LIPI: variants seen among roughly 807,000 people sequenced by gnomAD.
The protein encoded by LIPI is lipase member I.
Under a neutral mutation model 50.6 loss-of-function variants are expected in LIPI, and 59 were observed. That is an observed-to-expected ratio of 1.16 (90% CI 0.94 to 1.45). The LOEUF (loss-of-function observed/expected upper bound fraction) is 1.45, where lower values mean the gene tolerates loss of function less well. Ranked by LOEUF, LIPI falls within the 40% of genes most tolerant of loss-of-function variation. The pLI is 0.00. For missense variants in LIPI, 586 were observed against 536.3 expected (o/e 1.09, Z -0.92); for synonymous variants, 203 against 178.2 (o/e 1.14, Z -1.11).
At chr21:14,181,990 A>C in intron 3 of LIPI, 131 bp from the exon 4 acceptor site, 1 of 665,052 alleles carries the variant, frequency 1.5e-6, no homozygotes. Flanking sequence ...CCAAGAACAT[A>C]TCTAAAAACA....
At chr21:14,164,471 TCAG>T (rs1277861869) in intron 6 of LIPI, among the ~76,000 whole-genome samples, 1 of 152,170 alleles carries the variant, frequency 6.6e-6, no homozygotes, top group East Asian at 1.9e-4. Context: ...TGATCCTGCT[TCAG>T]CAGTTGGTTT....
chr21:14,178,910 G>A (rs2019179791), intron 4 of LIPI, among the ~76,000 whole-genome samples: 1 of 152,112 alleles, frequency 6.6e-6, no homozygotes, highest in Non-Finnish European at 1.5e-5. Context: ...TAACAATTCA[G>A]AATCTACTTA....
In LIPI at chr21:14,198,587, C is replaced by T. The variant is rs565900760; in HGVS notation, c.47-9168G>A. Among the ~76,000 whole-genome samples the T allele has an allele frequency of 7.2e-5, 11 of 152,172 alleles. No individual in the cohort carries two copies. In the South Asian group the frequency reaches 1.7e-3, roughly 23 times the overall value. On this transcript the variant is annotated intron_variant, in intron 1 of 9. Coordinates refer to ENST00000681601, the MANE Select transcript of LIPI (RefSeq NM_001302998.2). ...TCTAACCATCCTAAATATATATGTA[C>T]CCAACACAGGAGCACCCAGATTTGT...
At chr21:14,193,046 T>A (rs528534106) in intron 1 of LIPI, among the ~76,000 whole-genome samples, 1 of 152,338 alleles carries the variant, frequency 6.6e-6, no homozygotes, top group Non-Finnish European at 1.5e-5. Flanking sequence ...TATGAATGCA[T>A]GTTAATGGGT....
At chr21:14,197,076 A>T (rs2019888938) in intron 1 of LIPI, among the ~76,000 whole-genome samples, 1 of 151,788 alleles carries the variant, frequency 6.6e-6, no homozygotes, top group Admixed American at 6.6e-5. Flanking sequence ...GATATAAGTC[A>T]TTGTAACCCA....
intron 8 of LIPI, among the ~76,000 whole-genome samples, chr21:14,147,041 T>C (rs1004445561): frequency 6.6e-6 from 1 of 152,122 alleles, no homozygotes; most frequent in African/African-American, 2.4e-5. Context: ...ACTACCACAG[T>C]GCTGAGATTA....
At chr21:14,203,695 T>C (rs144570755) in intron 1 of LIPI, among the ~76,000 whole-genome samples, 21,140 of 149,098 alleles carry the variant, frequency 0.14, 1,941 homozygotes, top group South Asian at 0.22. Context: ...GGGGTGTGGG[T>C]AGGGGGGAGG....
chr21:14,117,323 C>T (rs2016687402), intron 9 of LIPI, among the ~76,000 whole-genome samples: 1 of 78 alleles, frequency 0.013, no homozygotes, highest in Non-Finnish European at 0.023. Flanking sequence ...ACAGCCCAAC[C>T]TGGGCTGACC....
chr21:14,129,798 G>GTT (rs567972643), intron 9 of LIPI, among the ~76,000 whole-genome samples: 18,740 of 101,504 alleles, frequency 0.18, 1,609 homozygotes, highest in South Asian at 0.27. Flanking sequence ...GACTCTAATT[G>GTT]TTTTTTTTTT....
intron 1 of LIPI, among the ~76,000 whole-genome samples, chr21:14,202,771 G>C (rs2020101519): frequency 6.6e-6 from 1 of 152,058 alleles, no homozygotes; most frequent in Admixed American, 6.6e-5. Flanking sequence ...ACATAGGCAT[G>C]GGCAAGGACC....
At chr21:14,152,720 T>A (rs2018142538) in intron 7 of LIPI, 36 bp from the exon 8 acceptor site, 6 of 1,093,162 alleles carry the variant, frequency 5.5e-6, no homozygotes, top group Non-Finnish European at 8.3e-6. Context: ...ACTCACATTA[T>A]TTTTTAATTT....
chr21:14,188,467 C>T (rs13051391), intron 2 of LIPI, among the ~76,000 whole-genome samples: 3 of 146,068 alleles, frequency 2.1e-5, no homozygotes, highest in African/African-American at 7.6e-5. Context: ...ACTCGGGTGG[C>T]TGATGCAGGA....
intron 9 of LIPI, among the ~76,000 whole-genome samples, chr21:14,129,198 G>A (rs973079446): frequency 6.6e-6 from 1 of 151,824 alleles, no homozygotes; most frequent in Admixed American, 6.6e-5. Flanking sequence ...GACCAATCAG[G>A]GAAGGGAAGA....
intron 9 of LIPI, among the ~76,000 whole-genome samples, chr21:14,123,337 G>A (rs998385811): frequency 3.9e-5 from 6 of 152,094 alleles, no homozygotes; most frequent in African/African-American, 1.2e-4. Flanking sequence ...AGTTTCCAGC[G>A]CTGAATCAGT....
chr21:14,187,123 T>G (rs1322058937), intron 2 of LIPI, among the ~76,000 whole-genome samples: 1 of 152,208 alleles, frequency 6.6e-6, no homozygotes, highest in Non-Finnish European at 1.5e-5. Context: ...TTATGGATTT[T>G]AGGTGACTTC....
rs1339099454 is a variant in LIPI at position 14,144,781 on chromosome 21, A to G, written c.1137T>C (p.Tyr379=). Residue 379 remains tyrosine (Y), a synonymous_variant, in exon 9 of 10, where the codon TAT becomes TAC. Transcript: ENST00000681601. ...CAAGAATCTTGACTTCTTGAAGTTT[A>G]TAAAATGGTTTGTTCTTTCTAGAGA... is the stretch of plus-strand genomic sequence containing the variant. ...PRLYEKNKPF[Y]KLQEVKILAQ... is the part of the protein sequence containing the mutation. 1 of 1,576,012 alleles carries G rather than the reference A, an allele frequency of 6.3e-7. No individual in the cohort carries two copies. Among genetic ancestry groups the G allele is most frequent in the South Asian group, 1.1e-5 (1 of 90,078 alleles).
chr21:14,165,264 A>G lies in LIPI; in HGVS notation c.860T>C (p.Val287Ala). The change falls in exon 6 of 10, where the codon GTG becomes GCG. Residue 287 changes from valine (V) to alanine (A), a missense_variant. By Grantham distance (64) the Val-to-Ala change is moderately conservative. Transcript: ENST00000681601. ...TTTTTCCTTAAAACAGTCACAGTCCACACATAAGCTAGTCTTGTAATCTTT... is the reference window on the plus strand; with the variant it reads ...TTTTTCCTTAAAACAGTCACAGTCCGCACATAAGCTAGTCTTGTAATCTTT... The part of the protein sequence containing the change: ...SYKDYKTSLC[V>A]DCDCFKEKSC... 1.9e-6 allele frequency: 3 copies of G among 1,613,038 alleles called. No homozygotes were observed. Among genetic ancestry groups the G allele is most frequent in the Non-Finnish European group, 1.7e-6 (2 of 1,179,200 alleles).
chr21:14,117,382 G>A (rs2123321249), intron 9 of LIPI, among the ~76,000 whole-genome samples: 1 of 152,314 alleles, frequency 6.6e-6, no homozygotes, highest in East Asian at 1.9e-4. Flanking sequence ...ACGCTGCAGA[G>A]TAATACAAGT....
intron 9 of LIPI, among the ~76,000 whole-genome samples, chr21:14,110,354 G>A (rs200082051): frequency 1.4e-5 from 1 of 70,570 alleles, no homozygotes; most frequent in Non-Finnish European, 2.6e-5. Context: ...TTATTTATTT[G>A]TTTATTTTAA....
Sources: allele counts gnomAD v4.1 joint callset (sites outside exome capture counted in the v4.1 genomes callset), GRCh38; gene constraint gnomAD v4.1.1; transcripts MANE v1.5; gene names NCBI Gene and HGNC (gene_info 2026-07-23, HGNC 2026-07-21).